ERP27: variants seen among roughly 807,000 people sequenced by gnomAD.
The protein encoded by ERP27 is endoplasmic reticulum protein 27, also known as endoplasmic reticulum resident protein 27.
In ERP27, 23 loss-of-function variants were observed where a neutral mutation model predicts 27.7. The ratio of observed to expected loss-of-function variants is 0.83; its 90% CI spans 0.60 to 1.18. ERP27 has a LOEUF of 1.18. ERP27 is among the 50% of genes most tolerant of loss of function. The probability of loss-of-function intolerance (pLI) is 0.00; values close to 1 mark genes in which losing one functional copy is unlikely to be tolerated. For synonymous variants in ERP27, 159 were observed against 118.3 expected (o/e 1.34, Z -2.23); for missense variants, 363 against 327.9 (o/e 1.11, Z -0.83).
Position 14,936,766 on chromosome 12 carries a change from GAA to G in ERP27, c.195+1184_195+1185del, listed in dbSNP as rs369829429. On this transcript the variant is annotated intron_variant, in intron 2 of 6. Coordinates refer to ENST00000266397, the MANE Select transcript of ERP27 (RefSeq NM_152321.4). Reference sequence around the variant, plus strand: ...CTCATTCTCTCTCCTGCCATCCTGTGAAGAGGTTCCTTCTGCCATGATTGTAA... The same window carrying G: ...CTCATTCTCTCTCCTGCCATCCTGTGGAGGTTCCTTCTGCCATGATTGTAA... Among the ~76,000 whole-genome samples the G allele has an allele frequency of 4.2e-3, 641 of 152,226 alleles. 7 individuals carry two copies. The highest frequency in any genetic ancestry group is 0.014 in the African/African-American group (587 of 41,516).
chr12:14,926,101 A>T (rs1392001115), intron 3 of ERP27, among the ~76,000 whole-genome samples: 1 of 151,936 alleles, frequency 6.6e-6, no homozygotes, highest in Non-Finnish European at 1.5e-5. Flanking sequence ...TTTTTCTATT[A>T]TGTTGTGGCT....
At chr12:14,917,422 G>A in intron 4 of ERP27, 119 bp from the exon 5 acceptor site, 2 of 1,351,438 alleles carry the variant, frequency 1.5e-6, no homozygotes, top group Non-Finnish European at 1.0e-6. Flanking sequence ...TAACACAAAT[G>A]GAACTAGCTT....
At chr12:14,922,154 T>C (rs762119643) in intron 3 of ERP27, among the ~76,000 whole-genome samples, 3 of 152,222 alleles carry the variant, frequency 2.0e-5, no homozygotes, top group Non-Finnish European at 4.4e-5. Context: ...ACTGAGCATA[T>C]ACCTCAGATT....
intron 5 of ERP27, 179 bp from the exon 6 acceptor site, chr12:14,915,865 G>T (rs1239567978): frequency 3.2e-6 from 2 of 624,648 alleles, no homozygotes; most frequent in African/African-American, 3.7e-5. Flanking sequence ...CATGTCTTTT[G>T]TGGGAACGTG....
chr12:14,926,895 T>C (rs1350749774), intron 3 of ERP27, among the ~76,000 whole-genome samples: 1 of 152,228 alleles, frequency 6.6e-6, no homozygotes, highest in Non-Finnish European at 1.5e-5. Context: ...AGCTTCTGTG[T>C]GGGTTTTCTT....
chr12:14,917,277 T>G lies in ERP27; in HGVS notation c.477A>C (p.Val159=). Reference sequence around the variant, plus strand: ...TTATCAGGAGGAGATGAATCTGAATTACGCTGTTGAATAACCCAATCACAG... The same window carrying G: ...TTATCAGGAGGAGATGAATCTGAATGACGCTGTTGAATAACCCAATCACAG... ...PVTVIGLFNS[V]IQIHLLLIMN... The change falls in exon 5 of 7, where the codon GTA becomes GTC. Residue 159 remains valine, a synonymous_variant. Coordinates refer to ENST00000266397, the MANE Select transcript of ERP27 (RefSeq NM_152321.4). 1 of 1,614,160 alleles carries G rather than the reference T, an allele frequency of 6.2e-7. No individual in the cohort carries two copies. The highest frequency in any genetic ancestry group is 1.3e-5 in the African/African-American group (1 of 75,052).
chr12:14,930,122 C>T (rs998110209), intron 3 of ERP27, among the ~76,000 whole-genome samples: 11 of 151,672 alleles, frequency 7.3e-5, no homozygotes, highest in East Asian at 1.9e-4. Context: ...CCATGGCACA[C>T]GTACACGATA....
At position 14,938,017 on chromosome 12, in the gene ERP27, T is replaced by C. The variant is rs772552285; in HGVS notation, c.130A>G (p.Thr44Ala). The C allele has an allele frequency of 2.5e-6, 4 of 1,614,090 alleles. No homozygotes were observed. The highest frequency in any genetic ancestry group is 2.5e-6 in the Non-Finnish European group (3 of 1,179,968). The stretch of plus-strand genomic sequence containing the variant: ...AATTCCATGGCAGCTGGGACATCTG[T>C]GAGCCACGTGGGTTCCTGGGCAGCA... Reference protein sequence around the residue: ...PGAAQEPTWLTDVPAAMEFIA... With the variant: ...PGAAQEPTWLADVPAAMEFIA... The change falls in exon 2 of 7, where the codon ACA (threonine) becomes GCA (alanine). Residue 44 changes from threonine (T) to alanine (A), a missense_variant. Physicochemically the swap from Thr to Ala is moderately conservative, Grantham distance 58. Coordinates refer to ENST00000266397, the MANE Select transcript of ERP27 (RefSeq NM_152321.4).
At chr12:14,929,091 G>T in intron 3 of ERP27, 2 of 1,520,270 alleles carry the variant, frequency 1.3e-6, no homozygotes, top group Non-Finnish European at 1.8e-6. Context: ...GAATTCCTAG[G>T]TCTGGTGCCT....
chr12:14,936,761 C>T (rs565769943), intron 2 of ERP27, among the ~76,000 whole-genome samples: 1 of 151,996 alleles, frequency 6.6e-6, no homozygotes, highest in Non-Finnish European at 1.5e-5. Context: ...CTCCTGCCAT[C>T]CTGTGAAGAG....
chr12:14,918,076 T>C (rs1863441876), intron 4 of ERP27, among the ~76,000 whole-genome samples: 1 of 152,224 alleles, frequency 6.6e-6, no homozygotes. Context: ...GAGTGTTCAT[T>C]ACGTGGAAGG....
chr12:14,925,092 C>A (rs1863580474), intron 3 of ERP27, among the ~76,000 whole-genome samples: 1 of 152,194 alleles, frequency 6.6e-6, no homozygotes, highest in African/African-American at 2.4e-5. Flanking sequence ...GGCTGTTCTG[C>A]CTGTGGTGTA....
chr12:14,921,190 G>C, intron 3 of ERP27, 142 bp from the exon 4 acceptor site: 1 of 657,872 alleles, frequency 1.5e-6, no homozygotes, highest in South Asian at 1.9e-5. Flanking sequence ...TGCCCTAGGG[G>C]GACAAACTGT....
intron 3 of ERP27, among the ~76,000 whole-genome samples, chr12:14,931,854 T>C (rs1265768697): frequency 6.6e-6 from 1 of 151,862 alleles, no homozygotes; most frequent in Admixed American, 6.6e-5. Flanking sequence ...AGGTGTGGAG[T>C]GTAGCTTATT....
chr12:14,928,209 C>A (rs1274615194), intron 3 of ERP27, among the ~76,000 whole-genome samples: 1 of 152,158 alleles, frequency 6.6e-6, no homozygotes, highest in Admixed American at 6.5e-5. Flanking sequence ...CAGAACCACC[C>A]TTTTTTCCCC....
chr12:14,934,978 C>A lies in ERP27; in HGVS notation c.211G>T (p.Ala71Ser). Residue 71 changes from alanine (A) to serine (S), a missense_variant, in exon 3 of 7, where the codon GCA (alanine) becomes TCA (serine). Coordinates refer to ENST00000266397, the MANE Select transcript of ERP27 (RefSeq NM_152321.4). ...IGFFQDLEIP[A>S]VPILHSMVQK... Reference sequence around the variant, plus strand: ...ACCATGCTATGGAGTATGGGCACTGCTGGTATTTCTAAATCCTAAAAACAA... The same window carrying A: ...ACCATGCTATGGAGTATGGGCACTGATGGTATTTCTAAATCCTAAAAACAA... 1 of 1,614,008 alleles carries A rather than the reference C, an allele frequency of 6.2e-7. No individual in the cohort carries two copies. The highest frequency in any genetic ancestry group is 8.5e-7 in the Non-Finnish European group (1 of 1,179,970).
chr12:14,925,057 A>G (rs1302016357), intron 3 of ERP27, among the ~76,000 whole-genome samples: 1 of 152,228 alleles, frequency 6.6e-6, no homozygotes, highest in Non-Finnish European at 1.5e-5. Context: ...AATAACCAAA[A>G]AAATGGACAA....
intron 3 of ERP27, among the ~76,000 whole-genome samples, chr12:14,922,713 C>T (rs1248159034): frequency 6.6e-6 from 1 of 152,118 alleles, no homozygotes; most frequent in African/African-American, 2.4e-5. Flanking sequence ...ATATTTTCTC[C>T]TAGAAACATT....
intron 3 of ERP27, among the ~76,000 whole-genome samples, chr12:14,933,979 C>A (rs1863735559): frequency 6.6e-6 from 1 of 152,228 alleles, no homozygotes; most frequent in African/African-American, 2.4e-5. Flanking sequence ...AAACACATTT[C>A]TGTTCATGTT....
Sources: gnomAD v4.1 joint callset for allele counts (sites outside exome capture counted in the v4.1 genomes callset) on GRCh38, gnomAD v4.1.1 for gene constraint, MANE v1.5 for transcripts, NCBI Gene and HGNC (gene_info 2026-07-23, HGNC 2026-07-21) for gene names.